ATRNL1: variants seen among roughly 807,000 people sequenced by gnomAD.
ATRNL1 encodes the protein attractin-like protein 1.
A neutral mutation model predicts 182.7 loss-of-function variants in ATRNL1; 95 were observed. The ratio of observed to expected loss-of-function variants is 0.52; its 90% CI spans 0.44 to 0.62. The LOEUF (loss-of-function observed/expected upper bound fraction) is 0.62. Ranked by LOEUF, ATRNL1 falls within the 20% of genes least tolerant of loss-of-function variation. The pLI is 0.00. For synonymous variants in ATRNL1, 576 were observed against 568.3 expected (o/e 1.01, Z -0.19); for missense variants, 1,471 against 1,679.5 (o/e 0.88, Z 2.17).
intron 25 of ATRNL1, among the ~76,000 whole-genome samples, chr10:115,548,519 C>G (rs1554994547): frequency 1.3e-5 from 2 of 152,130 alleles, no homozygotes; most frequent in East Asian, 1.9e-4. Context: ...CTGTTCACTT[C>G]TGGGTCTTCT....
chr10:115,771,428 CACCG>C (rs1948988111), intron 27 of ATRNL1, among the ~76,000 whole-genome samples: 1 of 152,072 alleles, frequency 6.6e-6, no homozygotes, highest in African/African-American at 2.4e-5. Flanking sequence ...AACGGGGTTT[CACCG>C]TGTTAGCCAG....
chr10:115,141,848 A>G (rs770644025), intron 5 of ATRNL1, among the ~76,000 whole-genome samples: 3 of 152,194 alleles, frequency 2.0e-5, no homozygotes, highest in Non-Finnish European at 4.4e-5. Context: ...AGCTAATAAA[A>G]TTAAATTTTT....
chr10:115,361,696 T>C (rs1311541059), intron 19 of ATRNL1, among the ~76,000 whole-genome samples: 1 of 152,074 alleles, frequency 6.6e-6, no homozygotes, highest in African/African-American at 2.4e-5. Context: ...TTAGTGACCC[T>C]TAGAATATAT....
At chr10:115,743,022 C>T (rs148623565) in intron 27 of ATRNL1, among the ~76,000 whole-genome samples, 176 of 151,928 alleles carry the variant, frequency 1.2e-3, no homozygotes, top group Non-Finnish European at 2.3e-3. Context: ...GGAGAAGTGC[C>T]GAGTAAAAGG....
intron 21 of ATRNL1, among the ~76,000 whole-genome samples, chr10:115,438,907 C>T (rs1482053800): frequency 2.0e-5 from 3 of 151,898 alleles, no homozygotes; most frequent in Non-Finnish European, 4.4e-5. Flanking sequence ...GCACCAACCC[C>T]GCATGTAGTC....
intron 27 of ATRNL1, among the ~76,000 whole-genome samples, chr10:115,799,036 G>A (rs372488733): frequency 3.6e-4 from 54 of 151,708 alleles, no homozygotes; most frequent in African/African-American, 1.2e-3. Context: ...TATGTTGGCC[G>A]GGCTGGTCTT....
chr10:115,354,825 AT>A (rs1856432247), intron 19 of ATRNL1, among the ~76,000 whole-genome samples: 4 of 151,698 alleles, frequency 2.6e-5, no homozygotes, highest in Admixed American at 2.0e-4. Context: ...TGACTCTTAG[AT>A]TTTCCCTTTT....
chr10:115,622,288 A>C (rs1346893431), intron 26 of ATRNL1, among the ~76,000 whole-genome samples: 1 of 152,210 alleles, frequency 6.6e-6, no homozygotes, highest in African/African-American at 2.4e-5. Flanking sequence ...TTTGTTTTGA[A>C]ACAAAGAGAA....
chr10:115,537,887 T>C (rs931302916), intron 25 of ATRNL1, among the ~76,000 whole-genome samples: 1 of 152,070 alleles, frequency 6.6e-6, no homozygotes, highest in Non-Finnish European at 1.5e-5. Flanking sequence ...GCAGTCAGAC[T>C]TTCTCCCCAC....
At chr10:115,725,658 A>G (rs1947574582) in intron 26 of ATRNL1, among the ~76,000 whole-genome samples, 1 of 151,756 alleles carries the variant, frequency 6.6e-6, no homozygotes, top group South Asian at 2.1e-4. Flanking sequence ...TAGATTGTAT[A>G]TTTGTGTGTG....
At chr10:115,814,419 T>C (rs1555087894) in intron 27 of ATRNL1, among the ~76,000 whole-genome samples, 1 of 152,166 alleles carries the variant, frequency 6.6e-6, no homozygotes, top group East Asian at 1.9e-4. Context: ...TTAATAATAA[T>C]ACTTTTATAT....
intron 26 of ATRNL1, among the ~76,000 whole-genome samples, chr10:115,569,974 C>T (rs1854296975): frequency 6.6e-6 from 1 of 152,106 alleles, no homozygotes; most frequent in African/African-American, 2.4e-5. Flanking sequence ...ACAGCTGTAT[C>T]TTCACATGGT....
intron 27 of ATRNL1, among the ~76,000 whole-genome samples, chr10:115,806,912 GT>G (rs1423704113): frequency 6.6e-6 from 1 of 152,050 alleles, no homozygotes; most frequent in Non-Finnish European, 1.5e-5. Flanking sequence ...ATTAGCATCT[GT>G]TTTTTCATCA....
intron 28 of ATRNL1, among the ~76,000 whole-genome samples, chr10:115,906,744 T>A (rs1461671157): frequency 6.6e-6 from 1 of 152,158 alleles, no homozygotes; most frequent in Non-Finnish European, 1.5e-5. Context: ...GCACCTAGAG[T>A]ACAGGATTAT....
intron 9 of ATRNL1, among the ~76,000 whole-genome samples, chr10:115,239,972 T>C (rs1338376791): frequency 6.6e-6 from 1 of 152,122 alleles, no homozygotes; most frequent in Non-Finnish European, 1.5e-5. Flanking sequence ...GAGCCTTATG[T>C]TCTTGGCTTT....
intron 27 of ATRNL1, among the ~76,000 whole-genome samples, chr10:115,804,729 G>A (rs1555085251): frequency 6.6e-6 from 1 of 152,192 alleles, no homozygotes. Context: ...CTTTCAGTGG[G>A]TTGTAACATC....
At chr10:115,590,921 A>G (rs569216623) in intron 26 of ATRNL1, among the ~76,000 whole-genome samples, 1 of 152,268 alleles carries the variant, frequency 6.6e-6, no homozygotes, top group South Asian at 2.1e-4. Flanking sequence ...ACAACTCCCT[A>G]GTTATTGTTC....
intron 2 of ATRNL1, among the ~76,000 whole-genome samples, chr10:115,121,278 A>G (rs1287857712): frequency 6.6e-6 from 1 of 152,098 alleles, no homozygotes; most frequent in Non-Finnish European, 1.5e-5. Flanking sequence ...ATGCGCAGCT[A>G]ATTTTTGTAT....
intron 21 of ATRNL1, among the ~76,000 whole-genome samples, chr10:115,444,091 AGATTTAAAAGAG>A (rs2134455995): frequency 1.3e-5 from 2 of 152,308 alleles, no homozygotes; most frequent in East Asian, 3.9e-4. Flanking sequence ...ATAGCCATAA[AGATTTAAAAGAG>A]GATTTAAATT....
Sources: allele counts gnomAD v4.1 joint callset (sites outside exome capture counted in the v4.1 genomes callset), GRCh38; gene constraint gnomAD v4.1.1; transcripts MANE v1.5; gene names NCBI Gene and HGNC (gene_info 2026-07-23, HGNC 2026-07-21).